The following GMDS variants were observed in gnomAD, a reference collection of about 807,000 sequenced individuals.
The protein encoded by GMDS is GDP-mannose 4,6-dehydratase.
GMDS carries 20 observed loss-of-function variants against 49.9 expected under a neutral mutation model. The observed-to-expected ratio is 0.40, with a 90% CI of 0.28 to 0.58. GMDS has a LOEUF of 0.58. Ranked by LOEUF, GMDS falls within the 20% of genes least tolerant of loss-of-function variation. GMDS has a pLI of 0.42. For synonymous variants in GMDS, 177 were observed against 178.6 expected (o/e 0.99, Z 0.07); for missense variants, 362 against 481.4 (o/e 0.75, Z 2.32).
intron 9 of GMDS, among the ~76,000 whole-genome samples, chr6:1,633,447 T>C (rs742556): frequency 0.31 from 46,513 of 152,022 alleles, 7,199 homozygotes; most frequent in East Asian, 0.49. Flanking sequence ...ATGAAGCCCA[T>C]GTTCTAGGGT....
intron 7 of GMDS, among the ~76,000 whole-genome samples, chr6:1,878,247 G>A (rs910548613): frequency 8.7e-5 from 13 of 150,000 alleles, no homozygotes; most frequent in Non-Finnish European, 1.5e-4. Flanking sequence ...CCTGGGAGGC[G>A]GAGCTTGCAG....
At chr6:2,068,842 C>A (rs1404391926) in intron 4 of GMDS, among the ~76,000 whole-genome samples, 1 of 152,064 alleles carries the variant, frequency 6.6e-6, no homozygotes, top group Admixed American at 6.5e-5. Context: ...CCATACTGCC[C>A]AAGGTAATTT....
chr6:2,169,631 A>AC (rs915133840), intron 1 of GMDS, among the ~76,000 whole-genome samples: 4 of 151,856 alleles, frequency 2.6e-5, no homozygotes, highest in African/African-American at 9.7e-5. Context: ...CAAAAAAAAA[A>AC]AAAAACAAAA....
At chr6:1,973,716 C>T (rs1764741241) in intron 4 of GMDS, among the ~76,000 whole-genome samples, 1 of 152,082 alleles carries the variant, frequency 6.6e-6, no homozygotes, top group African/African-American at 2.4e-5. Flanking sequence ...AAAATGGTCA[C>T]TACTATAACA....
intron 4 of GMDS, among the ~76,000 whole-genome samples, chr6:2,091,691 T>A (rs1276360088): frequency 1.3e-5 from 2 of 152,136 alleles, no homozygotes; most frequent in Admixed American, 1.3e-4. Context: ...GGAGGATAAC[T>A]GGAGCCCAAG....
chr6:1,748,462 G>A (rs1461827875), intron 7 of GMDS, among the ~76,000 whole-genome samples: 1 of 151,994 alleles, frequency 6.6e-6, no homozygotes, highest in Admixed American at 6.5e-5. Flanking sequence ...GATTGTTTTA[G>A]TAAAATTTAT....
rs564326788 is a variant in GMDS at position 1,953,361 on chromosome 6, T to G, written c.643+6506A>C. 3.3e-5 allele frequency among the ~76,000 whole-genome samples: 5 copies of G among 152,350 alleles called. No homozygotes were observed. The East Asian group carries it at 9.6e-4, about 29-fold the overall frequency. ...ATATTATGTGTGTTTCACCCTTTATTCACAATAGCTACTGTCATCAAAATT... is the reference window on the plus strand; with the variant it reads ...ATATTATGTGTGTTTCACCCTTTATGCACAATAGCTACTGTCATCAAAATT... On this transcript the variant is annotated intron_variant, in intron 6 of 10. Transcript: ENST00000380815.
At chr6:2,108,742 A>C (rs1489263211) in intron 4 of GMDS, among the ~76,000 whole-genome samples, 1 of 152,102 alleles carries the variant, frequency 6.6e-6, no homozygotes, top group East Asian at 1.9e-4. Flanking sequence ...GATACTGCCC[A>C]CCTCGGTATT....
chr6:1,852,711 A>AT (rs777786801), intron 7 of GMDS, among the ~76,000 whole-genome samples: 45 of 142,402 alleles, frequency 3.2e-4, no homozygotes, highest in Admixed American at 4.9e-4. Flanking sequence ...GTGGGATCCG[A>AT]TTTTTTTTTT....
At chr6:1,771,410 G>A (rs140247072) in intron 7 of GMDS, among the ~76,000 whole-genome samples, 6 of 152,278 alleles carry the variant, frequency 3.9e-5, no homozygotes, top group East Asian at 1.9e-4. Flanking sequence ...AGTCACCTCC[G>A]CTGTAAAATT....
At chr6:2,074,225 T>G (rs1319992789) in intron 4 of GMDS, among the ~76,000 whole-genome samples, 3 of 152,214 alleles carry the variant, frequency 2.0e-5, no homozygotes, top group Non-Finnish European at 4.4e-5. Flanking sequence ...TGGGGTAAGA[T>G]GATATATCAT....
At chr6:2,193,552 T>C (rs1779145383) in intron 1 of GMDS, among the ~76,000 whole-genome samples, 1 of 152,192 alleles carries the variant, frequency 6.6e-6, no homozygotes, top group Non-Finnish European at 1.5e-5. Context: ...ACAACTTGCT[T>C]TTCATTTCCT....
rs539131072 is a variant in GMDS at position 1,768,721 on chromosome 6, T to C, written c.772-26135A>G. 8.3e-4 allele frequency among the ~76,000 whole-genome samples: 127 copies of C among 152,342 alleles called. 1 individual carries two copies. The highest frequency in any genetic ancestry group is 1.8e-3 in the African/African-American group (76 of 41,582). On this transcript the variant is annotated intron_variant, in intron 7 of 10. Transcript: ENST00000380815. ...CGACCAGTAAGTATAATGCAGATACTCCAAAACCCAAAACATTTCTGTTCC... is the reference window on the plus strand; with the variant it reads ...CGACCAGTAAGTATAATGCAGATACCCCAAAACCCAAAACATTTCTGTTCC...
At chr6:2,243,928 T>C (rs937073410) in intron 1 of GMDS, among the ~76,000 whole-genome samples, 3 of 142,092 alleles carry the variant, frequency 2.1e-5, no homozygotes, top group Admixed American at 7.3e-5. Flanking sequence ...GGTACCATCA[T>C]TGCTCACTGC....
intron 7 of GMDS, among the ~76,000 whole-genome samples, chr6:1,751,038 C>A (rs1408656479): frequency 1.3e-5 from 2 of 152,202 alleles, no homozygotes; most frequent in Non-Finnish European, 2.9e-5. Context: ...CCTCTCTGGG[C>A]AGAGCATTTC....
chr6:2,212,489 T>C (rs905655552), intron 1 of GMDS, among the ~76,000 whole-genome samples: 2 of 152,142 alleles, frequency 1.3e-5, no homozygotes. Flanking sequence ...TAGATAATAA[T>C]ACAAGTTATA....
intron 7 of GMDS, among the ~76,000 whole-genome samples, chr6:1,795,053 A>G (rs1385340476): frequency 6.6e-6 from 1 of 152,114 alleles, no homozygotes; most frequent in Non-Finnish European, 1.5e-5. Context: ...CACAAAAATT[A>G]GCCAGGCATG....
intron 4 of GMDS, among the ~76,000 whole-genome samples, chr6:2,031,421 A>C (rs1173676509): frequency 6.6e-6 from 1 of 152,154 alleles, no homozygotes; most frequent in Non-Finnish European, 1.5e-5. Flanking sequence ...AGTTACCTGG[A>C]TAACAGGAGA....
intron 1 of GMDS, among the ~76,000 whole-genome samples, chr6:2,130,966 A>G (rs754352741): frequency 6.6e-6 from 1 of 151,704 alleles, no homozygotes; most frequent in African/African-American, 2.4e-5. Context: ...CACTTTACCT[A>G]TTTTTCTAGT....
Sources: gnomAD v4.1 joint callset for allele counts (sites outside exome capture counted in the v4.1 genomes callset) on GRCh38, gnomAD v4.1.1 for gene constraint, MANE v1.5 for transcripts, NCBI Gene and HGNC (gene_info 2026-07-23, HGNC 2026-07-21) for gene names.